The following DOCK3 variants were observed in gnomAD, a reference collection of about 807,000 sequenced individuals.
DOCK3 encodes the protein dedicator of cytokinesis protein 3.
Under a neutral mutation model 265.6 loss-of-function variants are expected in DOCK3, and 60 were observed. That is an observed-to-expected ratio of 0.23 (90% CI 0.18 to 0.28). The LOEUF is 0.28. Ranked by LOEUF, DOCK3 falls within the 10% of genes least tolerant of loss-of-function variation. The probability of loss-of-function intolerance (pLI) is 1.00; values close to 1 mark genes in which losing one functional copy is unlikely to be tolerated. For missense variants in DOCK3, 1,981 were observed against 2,594.3 expected (o/e 0.76, Z 5.14); for synonymous variants, 881 against 938.0 (o/e 0.94, Z 1.11).
At chr3:50,772,618 T>C (rs947081573) in intron 1 of DOCK3, among the ~76,000 whole-genome samples, 18 of 152,182 alleles carry the variant, frequency 1.2e-4, no homozygotes, top group Non-Finnish European at 2.5e-4. Flanking sequence ...AATTAACATA[T>C]AAAATATGTA....
Position 51,381,753 on chromosome 3 carries a change from G to A in DOCK3, c.*194G>A. Reference sequence around the variant, plus strand: ...GTACAGAGGCCACAGCAGCATGAAGGGTTGTGGCTTCCCTTTTTATTTTTT... The same window carrying A: ...GTACAGAGGCCACAGCAGCATGAAGAGTTGTGGCTTCCCTTTTTATTTTTT... On this transcript the variant is annotated 3_prime_UTR_variant, in exon 53 of 53. Coordinates refer to ENST00000266037, the MANE Select transcript of DOCK3 (RefSeq NM_004947.5). The surrounding 1 kb of genome is among the most constrained non-coding windows in gnomAD (Gnocchi z 5.6). The A allele has an allele frequency of 1.7e-6, 1 of 602,410 alleles. No individual in the cohort carries two copies. Among genetic ancestry groups the A allele is most frequent in the Non-Finnish European group, 2.6e-6 (1 of 389,956 alleles). 37.3% of individuals were successfully genotyped at this position (602,410 alleles called of 1,614,324 possible).
intron 2 of DOCK3, chr3:50,788,219 C>T: frequency 1.3e-6 from 1 of 755,526 alleles, no homozygotes; most frequent in South Asian, 2.6e-5. Context: ...TCATCTTGTG[C>T]CATTCCTGCT....
chr3:51,292,757 A>G (rs1379599419), intron 27 of DOCK3, among the ~76,000 whole-genome samples: 1 of 152,128 alleles, frequency 6.6e-6, no homozygotes, highest in Non-Finnish European at 1.5e-5. Context: ...GGCTCAGTGC[A>G]ACCTCCACCT....
chr3:51,012,227 AT>A (rs1373377028), intron 5 of DOCK3, among the ~76,000 whole-genome samples: 5 of 152,266 alleles, frequency 3.3e-5, no homozygotes, highest in Non-Finnish European at 5.9e-5. Flanking sequence ...ATGGAGTTAA[AT>A]ACTCCATTGC....
Position 51,359,302 on chromosome 3 carries a change from A to G in DOCK3, c.4885-1209A>G, listed in dbSNP as rs558500038. On this transcript the variant is annotated intron_variant, in intron 46 of 52. Transcript: ENST00000266037. This position sits in a 1 kb window ranked among gnomAD's most constrained non-coding sequence, Gnocchi z 4.8. ...TGTGGACAAGTGTGGACAGCATGAA[A>G]AGAGAAAAAGAAGCTTGTTGTAGTT... 1.3e-5 allele frequency among the ~76,000 whole-genome samples: 2 copies of G among 151,744 alleles called. No homozygotes were observed. Among genetic ancestry groups the G allele is most frequent in the East Asian group, 3.9e-4 (2 of 5,194 alleles).
At chr3:51,110,547 A>G (rs2083470607) in intron 9 of DOCK3, among the ~76,000 whole-genome samples, 1 of 152,244 alleles carries the variant, frequency 6.6e-6, no homozygotes, top group Non-Finnish European at 1.5e-5. Context: ...CAGATGAATA[A>G]ATGTGATTAA....
At chr3:50,759,592 C>A (rs1298772570) in intron 1 of DOCK3, among the ~76,000 whole-genome samples, 1 of 150,700 alleles carries the variant, frequency 6.6e-6, no homozygotes, top group East Asian at 1.9e-4. Flanking sequence ...AATCCCAGCA[C>A]TTTGGGAAGC....
chr3:51,285,183 C>T (rs1341247607), intron 27 of DOCK3, among the ~76,000 whole-genome samples: 1 of 152,090 alleles, frequency 6.6e-6, no homozygotes, highest in Non-Finnish European at 1.5e-5. Context: ...ACCTTAGAAT[C>T]TCTGGATGGA....
At chr3:50,738,396 C>T (rs977013853) in intron 1 of DOCK3, among the ~76,000 whole-genome samples, 3 of 152,132 alleles carry the variant, frequency 2.0e-5, no homozygotes, top group African/African-American at 4.8e-5. Context: ...GGGCCTGGCC[C>T]GGAGCCTGAG....
At position 51,148,723 on chromosome 3, in the gene DOCK3, C is replaced by G. The variant is rs369293517; in HGVS notation, c.828+2093C>G. Among the ~76,000 whole-genome samples, 81 of 152,264 alleles carry G rather than the reference C, an allele frequency of 5.3e-4. 1 individual carries two copies. In the South Asian group the frequency reaches 0.017, roughly 31 times the overall value. Reference sequence around the variant, plus strand: ...CTATACCTCTGTTTTGGTACCAGTACCATGCTGTTTTGGTTACTGTAGCCT... The same window carrying G: ...CTATACCTCTGTTTTGGTACCAGTAGCATGCTGTTTTGGTTACTGTAGCCT... On this transcript the variant is annotated intron_variant, in intron 10 of 52. Coordinates refer to ENST00000266037, the MANE Select transcript of DOCK3 (RefSeq NM_004947.5).
At chr3:51,251,933 G>T (rs898617720) in intron 22 of DOCK3, among the ~76,000 whole-genome samples, 2 of 152,160 alleles carry the variant, frequency 1.3e-5, no homozygotes, top group Non-Finnish European at 2.9e-5. Flanking sequence ...TGAAGTGCTT[G>T]CCCATGTCTA....
At chr3:51,184,524 G>A (rs1400532080) in intron 12 of DOCK3, among the ~76,000 whole-genome samples, 1 of 138,070 alleles carries the variant, frequency 7.2e-6, no homozygotes, top group African/African-American at 2.8e-5. Context: ...AACTTCCAAT[G>A]GCCAAAATTG....
Position 50,970,933 on chromosome 3 carries a change from AT to A in DOCK3, c.315+36857del, listed in dbSNP as rs1559878643. 8.1e-4 allele frequency among the ~76,000 whole-genome samples: 59 copies of A among 72,946 alleles called. 1 individual carries two copies. The highest frequency in any genetic ancestry group is 1.3e-3 in the Admixed American group (8 of 6,000). The allele number at this position is 72,946 out of a possible 152,430, so 47.9% of individuals were successfully genotyped here. On this transcript the variant is annotated intron_variant, in intron 5 of 52. Coordinates refer to ENST00000266037, the MANE Select transcript of DOCK3 (RefSeq NM_004947.5). ...TATATATATATATATATATATATAT[AT>A]ATATATATATATAATGTGTGTGTGT...
At chr3:51,271,897 T>G (rs1048879803) in intron 24 of DOCK3, among the ~76,000 whole-genome samples, 4 of 148,796 alleles carry the variant, frequency 2.7e-5, no homozygotes, top group Non-Finnish European at 5.9e-5. Context: ...CTGAGGACCC[T>G]GTGCTTTCTT....
intron 3 of DOCK3, among the ~76,000 whole-genome samples, chr3:50,874,001 A>G (rs1336004719): frequency 1.4e-5 from 2 of 145,096 alleles, no homozygotes; most frequent in Non-Finnish European, 3.0e-5. Flanking sequence ...TTAAAATCGG[A>G]TGCTGTAAGT....
In DOCK3 at chr3:51,014,767, A is replaced by G. The variant is rs985523828; in HGVS notation, c.316-49681A>G. Reference sequence around the variant, plus strand: ...TAGTATGGACGTTTTAACAATATCAATTCTTCCAATCCATGGACTATCTTT... The same window carrying G: ...TAGTATGGACGTTTTAACAATATCAGTTCTTCCAATCCATGGACTATCTTT... On this transcript the variant is annotated intron_variant, in intron 5 of 52. Transcript: ENST00000266037. Among the ~76,000 whole-genome samples, 26 of 152,090 alleles carry G rather than the reference A, an allele frequency of 1.7e-4. 2 individuals are homozygous for G. Among genetic ancestry groups the G allele is most frequent in the African/African-American group, 6.0e-4 (25 of 41,386 alleles).
chr3:51,233,718 T>C (rs2078236482), intron 19 of DOCK3, among the ~76,000 whole-genome samples: 1 of 152,184 alleles, frequency 6.6e-6, no homozygotes, highest in Non-Finnish European at 1.5e-5. Context: ...TTCACCACTT[T>C]GGTTAGATGT....
chr3:51,363,643 C>A (rs968419214), intron 49 of DOCK3, among the ~76,000 whole-genome samples: 1 of 152,192 alleles, frequency 6.6e-6, no homozygotes, highest in South Asian at 2.1e-4. Flanking sequence ...CCACTTCCCC[C>A]ACCTGACAAC....
intron 3 of DOCK3, among the ~76,000 whole-genome samples, chr3:50,889,066 G>GGTGGGTGT (rs1553558566): frequency 9.7e-5 from 13 of 134,190 alleles, no homozygotes; most frequent in Admixed American, 8.9e-4. Context: ...TTAAGCCATG[G>GGTGGGTGT]GTGTGTGTGT....
Sources: allele counts gnomAD v4.1 joint callset (sites outside exome capture counted in the v4.1 genomes callset), GRCh38; gene constraint gnomAD v4.1.1; non-coding constraint Gnocchi (gnomAD v3.1); transcripts MANE v1.5; gene names NCBI Gene and HGNC (gene_info 2026-07-23, HGNC 2026-07-21).